The following RRN3 variants were observed in gnomAD, a reference collection of about 807,000 sequenced individuals.
The protein encoded by RRN3 is RNA polymerase I transcription factor RRN3, also known as RNA polymerase I-specific transcription initiation factor RRN3.
Under a neutral mutation model 82.3 loss-of-function variants are expected in RRN3, and 38 were observed. The observed-to-expected ratio is 0.46, with a 90% CI of 0.36 to 0.61. The LOEUF (loss-of-function observed/expected upper bound fraction) is 0.61, where lower values mean the gene tolerates loss of function less well. Among genes scored for constraint, RRN3 ranks in the 20% least tolerant of loss-of-function variants. The pLI is 0.00. For synonymous variants in RRN3, 284 were observed against 284.3 expected (o/e 1.00, Z 0.01); for missense variants, 726 against 793.1 (o/e 0.92, Z 1.02).
intron 7 of RRN3, chr16:15,083,900 G>C (rs2045806495): frequency 3.5e-6 from 1 of 286,716 alleles, no homozygotes; most frequent in Non-Finnish European, 6.7e-6. Context: ...ATTTTTAGTA[G>C]AGACGGGGTT....
At position 15,092,604 on chromosome 16, in the gene RRN3, T is replaced by C; in HGVS notation, c.100A>G (p.Met34Val). 6.2e-7 allele frequency: 1 copy of C among 1,606,368 alleles called. No homozygotes were observed. Among genetic ancestry groups the C allele is most frequent in the Non-Finnish European group, 8.5e-7 (1 of 1,173,358 alleles). The change falls in exon 2 of 18, where the codon ATG (methionine) becomes GTG (valine). Residue 34 changes from methionine to valine, a missense_variant. Met to Val is a conservative substitution (Grantham distance 21, BLOSUM62 1). Coordinates refer to ENST00000198767, the MANE Select transcript of RRN3 (RefSeq NM_018427.5). The part of the protein sequence containing the change: ...LGASRTGISN[M>V]RALENDFFNS... The stretch of plus-strand genomic sequence containing the variant: ...AAAAAGTCATTCTCTAATGCACGCA[T>C]ATTTGAAATCCTGTGGAACCAAGAT...
At chr16:15,075,751 G>A (rs1343362421) in intron 10 of RRN3, among the ~76,000 whole-genome samples, 1 of 152,096 alleles carries the variant, frequency 6.6e-6, no homozygotes, top group Non-Finnish European at 1.5e-5. Flanking sequence ...AAAAATCACA[G>A]ATGCCCCCTA....
intron 14 of RRN3, among the ~76,000 whole-genome samples, chr16:15,068,730 T>C (rs1389073664): frequency 6.6e-6 from 1 of 152,204 alleles, no homozygotes; most frequent in African/African-American, 2.4e-5. Context: ...TCTGTAGTTT[T>C]TTTTCTAAAC....
intron 8 of RRN3, 103 bp from the exon 9 acceptor site, chr16:15,080,199 A>C: frequency 7.1e-7 from 1 of 1,415,866 alleles, no homozygotes; most frequent in Non-Finnish European, 9.3e-7. Context: ...CAAATATTTA[A>C]AAAGAAAAAA....
At chr16:15,074,603 C>G (rs956834081) in intron 11 of RRN3, 120 bp downstream of exon 11, 1 of 694,284 alleles carries the variant, frequency 1.4e-6, no homozygotes, top group African/African-American at 1.8e-5. Flanking sequence ...ATCTTAAACT[C>G]ATACTCAATA....
Position 15,086,428 on chromosome 16 carries a change from T to C in RRN3, c.279A>G (p.Leu93=). 2 of 1,613,502 alleles carry C rather than the reference T, an allele frequency of 1.2e-6. No homozygotes were observed. Among genetic ancestry groups the C allele is most frequent in the Non-Finnish European group, 1.7e-6 (2 of 1,179,720 alleles). ...IKDDQIINWL[L]EFRSSIMYLT... ...AGTACATGATAGAAGAACGGAATTCTAGCAGCCAGTTGATGATCTGGTCAT... is the reference window on the plus strand; with the variant it reads ...AGTACATGATAGAAGAACGGAATTCCAGCAGCCAGTTGATGATCTGGTCAT... Residue 93 remains leucine, a synonymous_variant, in exon 4 of 18, where the codon CTA becomes CTG. Transcript: ENST00000198767.
At position 15,061,652 on chromosome 16, in the gene RRN3, C is replaced by A; in HGVS notation, c.*92G>T. On this transcript the variant is annotated 3_prime_UTR_variant, in exon 18 of 18. Transcript: ENST00000198767. ...GGCAGGCACTCGCTCTAGTTCAATG[C>A]CATCAATGCCCAATGGCACAAGCTG... The A allele has an allele frequency of 1.6e-6, 2 of 1,262,976 alleles. No individual in the cohort carries two copies. Among genetic ancestry groups the A allele is most frequent in the East Asian group, 4.7e-5 (2 of 42,474 alleles). 78.2% of individuals were successfully genotyped at this position (1,262,976 alleles called of 1,614,324 possible).
intron 5 of RRN3, 36 bp downstream of exon 5, chr16:15,086,093 A>T (rs376849531): frequency 1.9e-5 from 30 of 1,586,340 alleles, no homozygotes; most frequent in Non-Finnish European, 2.4e-5. Context: ...ATAAAGAAGT[A>T]TTAAAAAGAA....
intron 6 of RRN3, 33 bp downstream of exon 6, chr16:15,085,606 C>G (rs756274374): frequency 1.2e-6 from 2 of 1,604,168 alleles, no homozygotes; most frequent in Non-Finnish European, 1.7e-6. Flanking sequence ...GTGAAAGCTA[C>G]TGTGCCCAGG....
intron 12 of RRN3, among the ~76,000 whole-genome samples, chr16:15,071,619 T>C (rs1319153505): frequency 1.3e-5 from 2 of 151,910 alleles, no homozygotes; most frequent in Admixed American, 6.6e-5. Flanking sequence ...AATACAAAAA[T>C]TAGCCAGGCA....
chr16:15,075,638 G>C (rs1296432890), intron 10 of RRN3, among the ~76,000 whole-genome samples: 1 of 152,130 alleles, frequency 6.6e-6, no homozygotes, highest in African/African-American at 2.4e-5. Flanking sequence ...GTCTCATTCA[G>C]GGATGTGAAT....
intron 1 of RRN3, among the ~76,000 whole-genome samples, chr16:15,093,549 A>G (rs1198017268): frequency 2.0e-5 from 3 of 152,190 alleles, no homozygotes; most frequent in Admixed American, 1.3e-4. Context: ...AGTAAGCAGG[A>G]GCTCGATAAT....
chr16:15,075,724 A>C (rs912508966), intron 10 of RRN3, among the ~76,000 whole-genome samples: 1 of 152,194 alleles, frequency 6.6e-6, no homozygotes, highest in African/African-American at 2.4e-5. Context: ...AGAAGACCCA[A>C]TGAGACCTAT....
intron 9 of RRN3, among the ~76,000 whole-genome samples, chr16:15,077,401 A>G (rs1033672539): frequency 6.6e-6 from 1 of 152,048 alleles, no homozygotes; most frequent in Non-Finnish European, 1.5e-5. Context: ...ATAGTGAATA[A>G]GTCTCAAGAG....
chr16:15,092,678 A>C (rs894353536), intron 1 of RRN3, 64 bp from the exon 2 acceptor site: 3 of 1,093,534 alleles, frequency 2.7e-6, no homozygotes, highest in Admixed American at 1.8e-5. Context: ...AATAGCCAAC[A>C]TTTATTGAAC....
intron 15 of RRN3, among the ~76,000 whole-genome samples, chr16:15,067,755 G>A (rs1227553955): frequency 1.3e-5 from 2 of 151,908 alleles, no homozygotes; most frequent in African/African-American, 4.8e-5. Flanking sequence ...TGCAAGGACT[G>A]GGTTGTTTTT....
chr16:15,081,600 G>A (rs570892772), intron 8 of RRN3, among the ~76,000 whole-genome samples: 1 of 152,222 alleles, frequency 6.6e-6, no homozygotes, highest in East Asian at 1.9e-4. Context: ...ATAAAATTTA[G>A]AAATATTTCC....
intron 8 of RRN3, among the ~76,000 whole-genome samples, chr16:15,080,912 A>T (rs1161484543): frequency 6.6e-6 from 1 of 151,922 alleles, no homozygotes; most frequent in Non-Finnish European, 1.5e-5. Flanking sequence ...CATTCCTCTC[A>T]TATCAATGGA....
At chr16:15,083,090 G>A (rs1445245422) in intron 8 of RRN3, among the ~76,000 whole-genome samples, 1 of 152,162 alleles carries the variant, frequency 6.6e-6, no homozygotes, top group Non-Finnish European at 1.5e-5. Flanking sequence ...AAGTCTAGAA[G>A]ACAAAGTAAC....
Sources: allele counts gnomAD v4.1 joint callset (sites outside exome capture counted in the v4.1 genomes callset), GRCh38; gene constraint gnomAD v4.1.1; transcripts MANE v1.5; gene names NCBI Gene and HGNC (gene_info 2026-07-23, HGNC 2026-07-21).